PTGR1: variants seen among roughly 807,000 people sequenced by gnomAD.
PTGR1 encodes the protein prostaglandin reductase 1.
A neutral mutation model predicts 37.7 loss-of-function variants in PTGR1; 23 were observed. The observed-to-expected ratio is 0.61, with a 90% CI of 0.44 to 0.86. The LOEUF is 0.86. Ranked by LOEUF, PTGR1 falls within the 40% of genes least tolerant of loss-of-function variation. The pLI is 0.00. For synonymous variants in PTGR1, 134 were observed against 140.0 expected, an observed-to-expected ratio of 0.96 and a Z score of 0.30; for missense variants, 351 against 394.3, an observed-to-expected ratio of 0.89 and a Z score of 0.93.
chr9:111,551,028 C>T (rs1247588754), intron 9 of PTGR1, among the ~76,000 whole-genome samples: 1 of 152,204 alleles, frequency 6.6e-6, no homozygotes, highest in Non-Finnish European at 1.5e-5. Flanking sequence ...GTTTTAGGTA[C>T]TTCAGCACCA....
rs186087201 is a variant in PTGR1 at position 111,596,123 on chromosome 9, G to T, written c.106+1194C>A. Among the ~76,000 whole-genome samples, 3 of 152,294 alleles carry T rather than the reference G, an allele frequency of 2.0e-5. No homozygotes were observed. The East Asian group carries it at 5.8e-4, about 29-fold the overall frequency. On this transcript the variant is annotated intron_variant, in intron 2 of 9. Transcript: ENST00000407693. ...GGGAATCCTGCCATGTGACATCGAG[G>T]ATTCACACTGAGAACCCTGGAAAGG...
intron 9 of PTGR1, among the ~76,000 whole-genome samples, chr9:111,551,900 C>T (rs1235570703): frequency 1.3e-5 from 2 of 152,154 alleles, no homozygotes; most frequent in Non-Finnish European, 2.9e-5. Flanking sequence ...ATATATCATT[C>T]TTCAGATTTT....
intron 4 of PTGR1, among the ~76,000 whole-genome samples, chr9:111,590,629 G>C (rs1056865048): frequency 1.3e-5 from 2 of 152,054 alleles, no homozygotes; most frequent in African/African-American, 4.8e-5. Flanking sequence ...AAAATGCTGG[G>C]ATTACAGGCA....
In PTGR1 at chr9:111,570,205, T is replaced by A; in HGVS notation, c.765A>T (p.Pro255=). 1 of 1,612,654 alleles carries A rather than the reference T, an allele frequency of 6.2e-7. No individual in the cohort carries two copies. The highest frequency in any genetic ancestry group is 8.5e-7 in the Non-Finnish European group (1 of 1,179,510). Residue 255 remains proline, a synonymous_variant, in exon 9 of 10, where the codon CCA becomes CCT. Transcript: ENST00000407693. ...YNRTGPLPPG[P]PPEIVIYQEL... is the part of the protein sequence containing the mutation. Reference sequence around the variant, plus strand: ...CCTGATAGATAACAATCTCTGGGGGTGGGCCTGTGAAGAGAAGGGCACATT... The same window carrying A: ...CCTGATAGATAACAATCTCTGGGGGAGGGCCTGTGAAGAGAAGGGCACATT...
intron 7 of PTGR1, chr9:111,576,381 A>G (rs1471775222): frequency 1.9e-6 from 3 of 1,613,924 alleles, no homozygotes; most frequent in Non-Finnish European, 2.5e-6. Flanking sequence ...ATGGAGCAGT[A>G]AAAAAGATGC....
chr9:111,572,170 G>A (rs138266573), intron 8 of PTGR1, among the ~76,000 whole-genome samples: 1 of 152,276 alleles, frequency 6.6e-6, no homozygotes, highest in East Asian at 1.9e-4. Flanking sequence ...ATTAGCAGTT[G>A]GAAATATGAA....
At chr9:111,574,625 A>G in intron 8 of PTGR1, 109 bp downstream of exon 8, 1 of 715,368 alleles carries the variant, frequency 1.4e-6, no homozygotes. Context: ...AAAAAAGAAT[A>G]TATGAAAATC....
chr9:111,589,459 G>T, intron 4 of PTGR1: 3 of 733,734 alleles, frequency 4.1e-6, no homozygotes, highest in Non-Finnish European at 5.0e-6. Flanking sequence ...GTTTTGCCAT[G>T]TTTCCCAGGC....
chr9:111,579,119 A>G (rs890849655), intron 6 of PTGR1, among the ~76,000 whole-genome samples, 168 bp from the exon 7 acceptor site: 8 of 151,626 alleles, frequency 5.3e-5, no homozygotes, highest in African/African-American at 2.4e-5. Context: ...AGGTGAAATC[A>G]GTCCCCGGAC....
chr9:111,597,459 C>A, intron 1 of PTGR1, 27 bp from the exon 2 acceptor site: 1 of 1,444,666 alleles, frequency 6.9e-7, no homozygotes, highest in Non-Finnish European at 9.7e-7. Context: ...ATGTAGTCAA[C>A]TGCCATGAAG....
intron 8 of PTGR1, among the ~76,000 whole-genome samples, chr9:111,570,663 CAGCTACTT>C (rs1412016799): frequency 6.6e-6 from 1 of 151,596 alleles, no homozygotes; most frequent in African/African-American, 2.4e-5. Flanking sequence ...CCTATAGTCC[CAGCTACTT>C]GGGAGGCTGA....
intron 8 of PTGR1, 76 bp from the exon 9 acceptor site, chr9:111,570,285 G>A (rs1030425954): frequency 5.2e-5 from 79 of 1,521,762 alleles, no homozygotes; most frequent in Non-Finnish European, 6.2e-5. Context: ...ACAGGTCACT[G>A]TCACTGTGCT....
intron 8 of PTGR1, among the ~76,000 whole-genome samples, chr9:111,573,871 A>G (rs929240158): frequency 6.6e-6 from 1 of 152,112 alleles, no homozygotes; most frequent in African/African-American, 2.4e-5. Flanking sequence ...AGCATAAGAG[A>G]GTAGGGAGTG....
At chr9:111,597,231 C>A in intron 2 of PTGR1, 86 bp downstream of exon 2, 1 of 1,030,854 alleles carries the variant, frequency 9.7e-7, no homozygotes, top group South Asian at 1.4e-5. Context: ...TGCTTAAAGT[C>A]ACTAAACTTT....
chr9:111,586,259 G>A (rs1326010544), intron 4 of PTGR1, 94 bp from the exon 5 acceptor site: 27 of 1,251,646 alleles, frequency 2.2e-5, no homozygotes, highest in Non-Finnish European at 3.1e-5. Flanking sequence ...TGACAAAAGT[G>A]CACTGAGGTT....
chr9:111,560,718 C>T (rs570211225), downstream of PTGR1, among the ~76,000 whole-genome samples: 45 of 147,206 alleles, frequency 3.1e-4, no homozygotes, highest in African/African-American at 1.1e-3. Context: ...CCGAGGTGGC[C>T]GGATCACAAG....
At chr9:111,593,806 C>G (rs1455262962) in intron 3 of PTGR1, among the ~76,000 whole-genome samples, 5 of 152,152 alleles carry the variant, frequency 3.3e-5, no homozygotes, top group African/African-American at 1.2e-4. Context: ...CTGCCTCACC[C>G]TTCTGAGCAG....
At chr9:111,592,884 G>T (rs917046039) in intron 4 of PTGR1, 42 bp downstream of exon 4, 8 of 1,564,562 alleles carry the variant, frequency 5.1e-6, no homozygotes, top group African/African-American at 1.4e-5. Flanking sequence ...AGGTAAAGAG[G>T]AGACATATTT....
Position 111,578,922 on chromosome 9 carries a change from A to G in PTGR1, c.525T>C (p.Ser175=). 1 of 1,611,840 alleles carries G rather than the reference A, an allele frequency of 6.2e-7. No individual in the cohort carries two copies. The highest frequency in any genetic ancestry group is 1.7e-5 in the Admixed American group (1 of 59,544). ...KGCKVVGAVG[S]DEKVAYLQKL... is the part of the protein sequence containing the mutation. The stretch of plus-strand genomic sequence containing the variant: ...TTTGAAGGTAGGCAACCTTTTCATC[A>G]GACCCTACTGCTCCAACAACTTTGC... Residue 175 remains serine (S), a synonymous_variant, in exon 7 of 10, where the codon TCT becomes TCC. Coordinates refer to ENST00000407693, the MANE Select transcript of PTGR1 (RefSeq NM_001146108.2).
Sources: gnomAD v4.1 joint callset for allele counts (sites outside exome capture counted in the v4.1 genomes callset) on GRCh38, gnomAD v4.1.1 for gene constraint, MANE v1.5 for transcripts, NCBI Gene and HGNC (gene_info 2026-07-23, HGNC 2026-07-21) for gene names.